IPCEF1: variants seen among roughly 807,000 people sequenced by gnomAD.
IPCEF1 encodes the protein interaction protein for cytohesin exchange factors 1, also known as interactor protein for cytohesin exchange factors 1.
IPCEF1 carries 31 observed loss-of-function variants against 50.9 expected under a neutral mutation model. That is an observed-to-expected ratio of 0.61 (90% CI 0.46 to 0.82). IPCEF1 has a LOEUF of 0.82. Among genes scored for constraint, IPCEF1 ranks in the 40% least tolerant of loss-of-function variants. IPCEF1 has a pLI of 0.00. For synonymous variants in IPCEF1, 181 were observed against 192.0 expected (o/e 0.94, Z 0.47); for missense variants, 458 against 514.0 (o/e 0.89, Z 1.05).
intron 4 of IPCEF1, chr6:154,247,193 C>T: frequency 2.0e-6 from 1 of 506,226 alleles, no homozygotes. Flanking sequence ...ATGCCCACCT[C>T]AATACACAGC....
intron 1 of IPCEF1, among the ~76,000 whole-genome samples, chr6:154,351,002 C>A (rs1018013673): frequency 1.3e-5 from 2 of 152,274 alleles, no homozygotes; most frequent in Non-Finnish European, 2.9e-5. Flanking sequence ...TTACAGGCAT[C>A]AACCACCCCA....
intron 9 of IPCEF1, among the ~76,000 whole-genome samples, chr6:154,204,849 T>C (rs578040572): frequency 6.6e-6 from 1 of 152,282 alleles, no homozygotes; most frequent in African/African-American, 2.4e-5. Flanking sequence ...ATATCCATAG[T>C]ATTCATTAGA....
intron 1 of IPCEF1, among the ~76,000 whole-genome samples, chr6:154,308,929 C>T (rs746705190): frequency 4.6e-5 from 7 of 152,076 alleles, no homozygotes; most frequent in Non-Finnish European, 7.4e-5. Flanking sequence ...ACACAAGGAC[C>T]GTCTGCTAAA....
In IPCEF1 at chr6:154,229,346, G is replaced by GTTTTT. The variant is rs34462600; in HGVS notation, c.247-6108_247-6104dup. On this transcript the variant is annotated intron_variant, in intron 5 of 11. Transcript: ENST00000367220. ...GAAGGCAGTGTGGAAAAGTTTGCCG[G>GTTTTT]TTTTTTTTTTTTTTTTTTTTTGAGA... Among the ~76,000 whole-genome samples, 3 of 112,680 alleles carry GTTTTT rather than the reference G, an allele frequency of 2.7e-5. 1 individual carries two copies. The highest frequency in any genetic ancestry group is 1.8e-5 in the Non-Finnish European group (1 of 56,684). The allele number at this position is 112,680 out of a possible 152,430, so 73.9% of individuals were successfully genotyped here. A position where few individuals can be genotyped will look rare whatever the true frequency, so the allele number is the denominator to read the frequency against.
chr6:154,242,329 T>C (rs1780662971), intron 5 of IPCEF1, among the ~76,000 whole-genome samples: 1 of 152,198 alleles, frequency 6.6e-6, no homozygotes, highest in African/African-American at 2.4e-5. Flanking sequence ...TGGAAATCCT[T>C]TCCTGGAAAA....
intron 2 of IPCEF1, among the ~76,000 whole-genome samples, chr6:154,269,838 AT>A (rs1193335731): frequency 6.6e-6 from 1 of 152,178 alleles, no homozygotes. Flanking sequence ...CGTACTTTTG[AT>A]TGTTTGGACA....
chr6:154,169,661 T>C (rs1799717506), intron 10 of IPCEF1, among the ~76,000 whole-genome samples: 1 of 152,202 alleles, frequency 6.6e-6, no homozygotes, highest in East Asian at 1.9e-4. Context: ...CCACACAGAC[T>C]CCATCTCCCT....
Position 154,158,610 on chromosome 6 carries a change from A to C in IPCEF1, c.*1218T>G, listed in dbSNP as rs1430592342. The C allele has an allele frequency of 6.6e-6, 1 of 152,184 alleles. No individual in the cohort carries two copies. Among genetic ancestry groups the C allele is most frequent in the Non-Finnish European group, 1.5e-5 (1 of 68,034 alleles). The allele number at this position is 152,184 out of a possible 1,614,324, so 9.4% of individuals were successfully genotyped here. The stretch of plus-strand genomic sequence containing the variant: ...TGGGGAAGAAAATGAAAAATTATGA[A>C]TGCATGCCCCATTTTTTTCCCACAA... On this transcript the variant is annotated 3_prime_UTR_variant, in exon 12 of 12. Coordinates refer to ENST00000367220, the MANE Select transcript of IPCEF1 (RefSeq NM_001130700.2).
intron 10 of IPCEF1, among the ~76,000 whole-genome samples, chr6:154,176,160 A>G (rs967200914): frequency 6.6e-6 from 1 of 152,254 alleles, no homozygotes; most frequent in African/African-American, 2.4e-5. Flanking sequence ...CTAGGTATTG[A>G]TGGAATGTAT....
chr6:154,222,478 A>G (rs1189250785), intron 6 of IPCEF1, among the ~76,000 whole-genome samples: 1 of 152,246 alleles, frequency 6.6e-6, no homozygotes, highest in East Asian at 1.9e-4. Context: ...AAATAATAAG[A>G]AAAAGGTGAA....
chr6:154,308,005 GC>G (rs1329899681), intron 1 of IPCEF1, among the ~76,000 whole-genome samples: 6 of 152,166 alleles, frequency 3.9e-5, no homozygotes, highest in Non-Finnish European at 5.9e-5. Context: ...CTTGAACGTT[GC>G]CCCTTTAAAT....
At chr6:154,169,710 C>T (rs1799722107) in intron 10 of IPCEF1, among the ~76,000 whole-genome samples, 1 of 152,160 alleles carries the variant, frequency 6.6e-6, no homozygotes, top group African/African-American at 2.4e-5. Context: ...CACATGATTG[C>T]AGTGAAGCCA....
rs1173242293 is a variant in IPCEF1 at position 154,176,528 on chromosome 6, AACAG to A, written c.911-8419_911-8416del. Among the ~76,000 whole-genome samples the A allele has an allele frequency of 7.2e-5, 11 of 152,194 alleles. No individual in the cohort carries two copies. The South Asian group carries it at 1.0e-3, about 14-fold the overall frequency. On this transcript the variant is annotated intron_variant, in intron 10 of 11. Transcript: ENST00000367220. Reference sequence around the variant, plus strand: ...ATCACAAGCATTCCAATACACCAATAACAGACAGAGAGCCAAATCATGAGTGAAC... The same window carrying A: ...ATCACAAGCATTCCAATACACCAATAACAGAGAGCCAAATCATGAGTGAAC...
chr6:154,283,050 T>C (rs1383921521), intron 2 of IPCEF1, among the ~76,000 whole-genome samples: 1 of 152,084 alleles, frequency 6.6e-6, no homozygotes, highest in African/African-American at 2.4e-5. Flanking sequence ...TCCCAGCACT[T>C]TGGGAGGCCG....
intron 2 of IPCEF1, among the ~76,000 whole-genome samples, chr6:154,268,191 AAGCCAGGC>A (rs1261773904): frequency 1.3e-5 from 2 of 152,170 alleles, no homozygotes; most frequent in Admixed American, 1.3e-4. Flanking sequence ...CAGCAGGGAG[AAGCCAGGC>A]AGCAGAAGCA....
intron 2 of IPCEF1, among the ~76,000 whole-genome samples, chr6:154,268,059 G>A (rs1218447147): frequency 6.6e-6 from 1 of 152,240 alleles, no homozygotes; most frequent in African/African-American, 2.4e-5. Context: ...GGCCCTCCCT[G>A]GCCTGAAGGT....
intron 2 of IPCEF1, among the ~76,000 whole-genome samples, chr6:154,271,518 A>G (rs962814508): frequency 6.6e-6 from 1 of 152,226 alleles, no homozygotes; most frequent in African/African-American, 2.4e-5. Flanking sequence ...TCTATATTAT[A>G]TAGATTACTT....
intron 5 of IPCEF1, among the ~76,000 whole-genome samples, chr6:154,237,930 G>C (rs1449334876): frequency 6.6e-6 from 1 of 151,996 alleles, no homozygotes; most frequent in Non-Finnish European, 1.5e-5. Context: ...TTATTTTTAA[G>C]TTAGTGTGTG....
chr6:154,286,850 C>T (rs1782372395), intron 2 of IPCEF1, among the ~76,000 whole-genome samples: 1 of 152,222 alleles, frequency 6.6e-6, no homozygotes, highest in Non-Finnish European at 1.5e-5. Flanking sequence ...ATGACAAGAT[C>T]ATTCATCACC....
Sources: allele counts gnomAD v4.1 joint callset (sites outside exome capture counted in the v4.1 genomes callset), GRCh38; gene constraint gnomAD v4.1.1; transcripts MANE v1.5; gene names NCBI Gene and HGNC (gene_info 2026-07-23, HGNC 2026-07-21).